Variants in UBE4A observed in about 807,000 individuals in gnomAD.
The protein encoded by UBE4A is ubiquitination factor E4A, also known as ubiquitin conjugation factor E4 A.
In UBE4A, 48 loss-of-function variants were observed where a neutral mutation model predicts 117.9. That is an observed-to-expected ratio of 0.41 (90% confidence interval 0.32 to 0.52). The LOEUF (loss-of-function observed/expected upper bound fraction) is 0.52, where lower values mean the gene tolerates loss of function less well. Among genes scored for constraint, UBE4A ranks in the 20% least tolerant of loss-of-function variants. The probability of loss-of-function intolerance (pLI) is 0.33; values close to 1 mark genes in which losing one functional copy is unlikely to be tolerated. For synonymous variants in UBE4A, 407 were observed against 450.0 expected, an observed-to-expected ratio of 0.90 and a Z score of 1.21; for missense variants, 1,067 against 1,296.3, an observed-to-expected ratio of 0.82 and a Z score of 2.72.
chr11:118,376,451 A>G, intron 9 of UBE4A, 123 bp from the exon 10 acceptor site: 1 of 1,346,022 alleles, frequency 7.4e-7, no homozygotes. Flanking sequence ...CAGACAAAGA[A>G]CTAATATGAC....
Position 118,381,415 on chromosome 11 carries a change from A to G in UBE4A, c.1901A>G (p.Asp634Gly), listed in dbSNP as rs1555126317. The stretch of plus-strand genomic sequence containing the variant: ...GAATTTTTTGCAGATAACCTGGGTG[A>G]TTTTCTCATTTTTCTCCGCCGCTTT... ...VPEFFADNLG[D>G]FLIFLRRFAD... Residue 634 changes from aspartate (D) to glycine (G), a missense_variant, in exon 12 of 20, where the codon GAT (aspartate) becomes GGT (glycine). By Grantham distance (94) the Asp-to-Gly change is moderately conservative (BLOSUM62 -1). Around this residue, in one of 3 missense-constraint regions of UBE4A, gnomAD observed 1,001 missense variants for 1,184.0 expected, o/e 0.85. Transcript: ENST00000252108. 1 of 1,613,766 alleles carries G rather than the reference A, an allele frequency of 6.2e-7. No homozygotes were observed. Among genetic ancestry groups the G allele is most frequent in the African/African-American group, 1.3e-5 (1 of 74,878 alleles).
chr11:118,376,095 G>A (rs1555125330), intron 9 of UBE4A, among the ~76,000 whole-genome samples: 1 of 152,158 alleles, frequency 6.6e-6, no homozygotes, highest in Non-Finnish European at 1.5e-5. Flanking sequence ...GGGTAGATGG[G>A]GTTGAGTTGG....
chr11:118,378,909 T>C (rs1948676158), intron 10 of UBE4A: 1 of 153,206 alleles, frequency 6.5e-6, no homozygotes, highest in African/African-American at 2.4e-5. Flanking sequence ...TAATTTAATA[T>C]TGAACAACAG....
In UBE4A at chr11:118,389,736, C is replaced by T. The variant is rs1948794991; in HGVS notation, c.2599C>T (p.Leu867Phe). 1 of 1,604,030 alleles carries T rather than the reference C, an allele frequency of 6.2e-7. No individual in the cohort carries two copies. The highest frequency in any genetic ancestry group is 8.5e-7 in the Non-Finnish European group (1 of 1,172,164). The stretch of plus-strand genomic sequence containing the variant: ...GGATTCTTTTCCAGAGATCAAGTCA[C>T]TCTTTGTGCATCCCTTCCTGGCTGA... ...LAFLTSEIKS[L>F]FVHPFLAERI... Residue 867 changes from leucine (L) to phenylalanine (F), a missense_variant, in exon 17 of 20, where the codon CTC becomes TTC. Around this residue, in one of 3 missense-constraint regions of UBE4A, gnomAD observed 1,001 missense variants for 1,184.0 expected, o/e 0.85. Transcript: ENST00000252108.
chr11:118,382,874 A>G (rs1392612620), intron 13 of UBE4A, 98 bp downstream of exon 13: 7 of 1,198,898 alleles, frequency 5.8e-6, no homozygotes, highest in Non-Finnish European at 7.6e-6. Flanking sequence ...ATGTCAAGCC[A>G]TTACTTATTG....
At chr11:118,360,056 C>T (rs185748078) in intron 1 of UBE4A, among the ~76,000 whole-genome samples, 9 of 152,272 alleles carry the variant, frequency 5.9e-5, no homozygotes, top group African/African-American at 2.2e-4. Context: ...GAGTAGATAA[C>T]AAATAGGCAG....
intron 10 of UBE4A, chr11:118,378,549 A>C (rs1448365274): frequency 6.6e-6 from 1 of 152,246 alleles, no homozygotes; most frequent in Non-Finnish European, 1.5e-5. Flanking sequence ...AAGGGACACT[A>C]AGAATAGCAA....
intron 10 of UBE4A, among the ~76,000 whole-genome samples, chr11:118,377,945 T>C (rs1259889316): frequency 1.4e-5 from 2 of 147,412 alleles, no homozygotes; most frequent in Non-Finnish European, 3.0e-5. Flanking sequence ...TTACTACTCC[T>C]GGTGATAAAA....
intron 6 of UBE4A, 134 bp from the exon 7 acceptor site, chr11:118,372,952 C>T (rs1449289781): frequency 1.1e-6 from 1 of 907,244 alleles, no homozygotes. Context: ...CCACTACACT[C>T]CAGGCTGAGC....
chr11:118,363,343 A>G (rs1042890748), intron 1 of UBE4A, among the ~76,000 whole-genome samples: 2 of 152,222 alleles, frequency 1.3e-5, no homozygotes, highest in Admixed American at 6.5e-5. Flanking sequence ...GGAGTTCGAG[A>G]CCAGCCTGGC....
chr11:118,373,001 A>AT, intron 6 of UBE4A, 85 bp from the exon 7 acceptor site: 7 of 1,213,378 alleles, frequency 5.8e-6, no homozygotes, highest in Non-Finnish European at 8.0e-6. Context: ...AAAAAAAAAA[A>AT]GAATTATTGA....
chr11:118,379,516 C>T lies in UBE4A; in HGVS notation c.1642C>T (p.Gln548Ter). 1.2e-6 allele frequency: 2 copies of T among 1,614,216 alleles called. No individual in the cohort carries two copies. Among genetic ancestry groups the T allele is most frequent in the Non-Finnish European group, 1.7e-6 (2 of 1,180,032 alleles). Residue 548 changes from glutamine (Q) to a stop codon, truncating the protein, a stop_gained, in exon 11 of 20, where the codon CAA becomes TAA. Coordinates refer to ENST00000252108, the MANE Select transcript of UBE4A (RefSeq NM_001204077.2). LOFTEE classifies it high-confidence loss of function. ...GCAGGTTGCCTGGCGGGATGCTCAG[C>T]AAAGTTCTAGCCCTGCTGCTGACAA... ...RLQVAWRDAQ[Q>*]SSSPAADNLR... is the part of the protein sequence containing the mutation.
rs782814267 is a variant in UBE4A, at chr11:118,379,539, C to CA, written c.1667dup (p.Asn556LysfsTer4). 6.2e-7 allele frequency: 1 copy of CA among 1,614,234 alleles called. No individual in the cohort carries two copies. The highest frequency in any genetic ancestry group is 1.7e-5 in the Admixed American group (1 of 60,026). On this transcript the variant is annotated frameshift_variant, in exon 11 of 20. Coordinates refer to ENST00000252108, the MANE Select transcript of UBE4A (RefSeq NM_001204077.2). LOFTEE classifies it high-confidence loss of function. The stretch of plus-strand genomic sequence containing the variant: ...AGCAAAGTTCTAGCCCTGCTGCTGA[C>CA]AATCTTCGTGAGCAGTTTGAACGAC...
chr11:118,360,004 TC>T (rs1013024960), intron 1 of UBE4A, among the ~76,000 whole-genome samples: 18 of 152,132 alleles, frequency 1.2e-4, no homozygotes, highest in African/African-American at 4.1e-4. Flanking sequence ...TCTCCCTCCT[TC>T]CCGCGAATCC....
intron 5 of UBE4A, among the ~76,000 whole-genome samples, 161 bp from the exon 6 acceptor site, chr11:118,372,346 A>G (rs1373726645): frequency 6.6e-6 from 1 of 152,224 alleles, no homozygotes; most frequent in African/African-American, 2.4e-5. Flanking sequence ...GGAATTTTAA[A>G]TAGGCAGATA....
chr11:118,361,250 C>G (rs1169544901), intron 1 of UBE4A, among the ~76,000 whole-genome samples: 1 of 152,156 alleles, frequency 6.6e-6, no homozygotes, highest in Non-Finnish European at 1.5e-5. Context: ...AAACTCCTGA[C>G]TTCAAGTGAT....
chr11:118,389,807 C>T lies in UBE4A; in HGVS notation c.2670C>T (p.Gly890=). Residue 890 remains glycine, a synonymous_variant, in exon 17 of 20, where the codon GGC becomes GGT. Coordinates refer to ENST00000252108, the MANE Select transcript of UBE4A (RefSeq NM_001204077.2). ...ACTACTTCCTGCAACACCTGGTTGGCCCCAAGATGGGTGCCTTAAAAGTCA... is the reference window on the plus strand; with the variant it reads ...ACTACTTCCTGCAACACCTGGTTGGTCCCAAGATGGGTGCCTTAAAAGTCA... ...MLNYFLQHLV[G]PKMGALKVKD... 5 of 1,613,934 alleles carry T rather than the reference C, an allele frequency of 3.1e-6. No homozygotes were observed. Among genetic ancestry groups the T allele is most frequent in the Non-Finnish European group, 3.4e-6 (4 of 1,179,858 alleles).
chr11:118,387,417 A>T (rs1948769502), intron 16 of UBE4A, among the ~76,000 whole-genome samples: 1 of 152,220 alleles, frequency 6.6e-6, no homozygotes, highest in Non-Finnish European at 1.5e-5. Context: ...GAGTTAGAAG[A>T]TATAAATTCA....
In UBE4A at chr11:118,397,348, C is replaced by A. The variant is rs1555130009; in HGVS notation, c.*908C>A. ...TAAACTGAGTACCACTTTATATTTT[C>A]TCTTCCATAGTGAGATGTATGCAGT... is the stretch of plus-strand genomic sequence containing the variant. On this transcript the variant is annotated 3_prime_UTR_variant, in exon 20 of 20. Coordinates refer to ENST00000252108, the MANE Select transcript of UBE4A (RefSeq NM_001204077.2). The A allele has an allele frequency of 1.3e-5, 2 of 152,282 alleles. No individual in the cohort carries two copies. Among genetic ancestry groups the A allele is most frequent in the East Asian group, 1.9e-4 (1 of 5,192 alleles). 9.4% of individuals were successfully genotyped at this position (152,282 alleles called of 1,614,324 possible).
Sources: allele counts gnomAD v4.1 joint callset (sites outside exome capture counted in the v4.1 genomes callset), GRCh38; gene constraint gnomAD v4.1.1; regional missense constraint gnomAD v4.1.1; transcripts MANE v1.5; gene names NCBI Gene and HGNC (gene_info 2026-07-23, HGNC 2026-07-21).